Variants in NIPSNAP2 observed in about 807,000 individuals in gnomAD.
NIPSNAP2 encodes the protein nipsnap homolog 2.
In NIPSNAP2, 42 loss-of-function variants were observed where a neutral mutation model predicts 48.4. That is an observed-to-expected ratio of 0.87 (90% CI 0.68 to 1.12). The LOEUF (loss-of-function observed/expected upper bound fraction) is 1.12, where lower values mean the gene tolerates loss of function less well. NIPSNAP2 is among the 50% of genes most tolerant of loss of function. NIPSNAP2 has a pLI of 0.00. For missense variants in NIPSNAP2, 314 were observed against 347.3 expected, an observed-to-expected ratio of 0.90 and a Z score of 0.76; for synonymous variants, 158 against 126.6, an observed-to-expected ratio of 1.25 and a Z score of -1.67.
At chr7:55,978,483 A>G in intron 3 of NIPSNAP2, 88 bp downstream of exon 3, 1 of 1,127,732 alleles carries the variant, frequency 8.9e-7, no homozygotes, top group East Asian at 2.5e-5. Context: ...GCATAGAGAG[A>G]GATCTTTCAT....
chr7:55,999,917 A>AG lies in NIPSNAP2; in HGVS notation c.*849dup, dbSNP rs1018245579. ...GCAGATAATTCTGAGATCATGGGTGAGGGGTGGTGCATGTTGAGATTTAAA... is the reference window on the plus strand; with the variant it reads ...GCAGATAATTCTGAGATCATGGGTGAGGGGGTGGTGCATGTTGAGATTTAAA... On this transcript the variant is annotated 3_prime_UTR_variant, in exon 10 of 10. Coordinates refer to ENST00000322090, the MANE Select transcript of NIPSNAP2 (RefSeq NM_001483.3). 1 of 152,616 alleles carries AG rather than the reference A, an allele frequency of 6.6e-6. No individual in the cohort carries two copies. The allele number at this position is 152,616 out of a possible 1,614,324, so 9.5% of individuals were successfully genotyped here. A position where few individuals can be genotyped will look rare whatever the true frequency, so the allele number is the denominator to read the frequency against.
In NIPSNAP2 at chr7:55,964,697, C is replaced by T; in HGVS notation, c.88C>T (p.Leu30Phe). 3 of 1,122,126 alleles carry T rather than the reference C, an allele frequency of 2.7e-6. No homozygotes were observed. Among genetic ancestry groups the T allele is most frequent in the Non-Finnish European group, 2.2e-6 (2 of 917,544 alleles). The allele number at this position is 1,122,126 out of a possible 1,614,324, so 69.5% of individuals were successfully genotyped here. Residue 30 changes from leucine (L) to phenylalanine (F), a missense_variant, in exon 1 of 10, where the codon CTC becomes TTC. This residue lies in a region of NIPSNAP2 where 198 missense variants were observed against 185.5 expected (regional missense o/e 1.07). Coordinates refer to ENST00000322090, the MANE Select transcript of NIPSNAP2 (RefSeq NM_001483.3). Reference protein sequence around the residue: ...RAAPCSLLPRLRTWTSSSNRS... With the variant: ...RAAPCSLLPRFRTWTSSSNRS... ...GGCCCCCTGCAGCCTCCTGCCCAGGCTCCGGTGAGCAGCGCCGCCCTTCCC... is the reference window on the plus strand; with the variant it reads ...GGCCCCCTGCAGCCTCCTGCCCAGGTTCCGGTGAGCAGCGCCGCCCTTCCC...
At chr7:55,984,121 CCT>C (rs75732486) in intron 6 of NIPSNAP2, among the ~76,000 whole-genome samples, 28,060 of 151,814 alleles carry the variant, frequency 0.18, 3,069 homozygotes, top group East Asian at 0.34. Flanking sequence ...AGAAGAAAGA[CCT>C]AAAGTGCAGG....
chr7:55,983,787 C>G lies in NIPSNAP2; in HGVS notation c.504C>G (p.Leu168=), dbSNP rs141886054. ...SDMLLSRKNQ[L]LLEFSFWNEP... ...TGCTTCTCTCCAGGAAGAATCAGCT[C>G]CTGTTGGAGTTCAGTTTCTGGAATG... Residue 168 remains leucine (L), a synonymous_variant, in exon 6 of 10, where the codon CTC becomes CTG. Coordinates refer to ENST00000322090, the MANE Select transcript of NIPSNAP2 (RefSeq NM_001483.3). 1 of 1,614,010 alleles carries G rather than the reference C, an allele frequency of 6.2e-7. No individual in the cohort carries two copies. The highest frequency in any genetic ancestry group is 8.5e-7 in the Non-Finnish European group (1 of 1,179,940).
chr7:55,988,956 A>G (rs1787389221), intron 7 of NIPSNAP2, among the ~76,000 whole-genome samples: 1 of 152,214 alleles, frequency 6.6e-6, no homozygotes, highest in Non-Finnish European at 1.5e-5. Context: ...ACTTATATAT[A>G]TGTGTATAAG....
intron 1 of NIPSNAP2, among the ~76,000 whole-genome samples, chr7:55,972,729 C>T (rs1004679948): frequency 6.6e-6 from 1 of 152,062 alleles, no homozygotes; most frequent in Non-Finnish European, 1.5e-5. Context: ...GTGCCCAGCC[C>T]ATGATATTAT....
intron 7 of NIPSNAP2, among the ~76,000 whole-genome samples, chr7:55,987,683 G>C (rs1341351324): frequency 2.0e-5 from 3 of 152,188 alleles, no homozygotes; most frequent in African/African-American, 7.2e-5. Context: ...GAACATTGAG[G>C]AGGATGTAAT....
At chr7:55,969,946 G>A (rs1786984071) in intron 1 of NIPSNAP2, among the ~76,000 whole-genome samples, 1 of 146,058 alleles carries the variant, frequency 6.8e-6, no homozygotes, top group Admixed American at 7.0e-5. Context: ...TCCCACCACT[G>A]CACTCCAGCC....
At chr7:55,987,523 CA>C (rs1210891083) in intron 7 of NIPSNAP2, among the ~76,000 whole-genome samples, 1 of 152,072 alleles carries the variant, frequency 6.6e-6, no homozygotes, top group Non-Finnish European at 1.5e-5. Context: ...AGCTACTCAG[CA>C]GGCTGAGGCA....
At chr7:55,986,791 ATAAT>A (rs1428493891) in intron 7 of NIPSNAP2, among the ~76,000 whole-genome samples, 1 of 152,148 alleles carries the variant, frequency 6.6e-6, no homozygotes, top group African/African-American at 2.4e-5. Flanking sequence ...GAATAGATAA[ATAAT>A]TCTTACAACT....
rs1293038668 is a variant in NIPSNAP2 at position 55,997,421 on chromosome 7, T to C, written c.768T>C (p.His256=). 3.1e-6 allele frequency: 5 copies of C among 1,613,672 alleles called. No individual in the cohort carries two copies. Among genetic ancestry groups the C allele is most frequent in the Non-Finnish European group, 4.2e-6 (5 of 1,179,698 alleles). The change falls in exon 9 of 10, where the codon CAT becomes CAC. Residue 256 remains histidine (H), a synonymous_variant. Transcript: ENST00000322090. ...TACGGAATGCAGCATGGCACAAACA[T>C]GGCTGGGAGGAATTGGTATATTACA... ...EDIRNAAWHK[H]GWEELVYYTV... is the part of the protein sequence containing the mutation.
chr7:55,971,111 A>G (rs1333867571), intron 1 of NIPSNAP2, among the ~76,000 whole-genome samples: 1 of 152,150 alleles, frequency 6.6e-6, no homozygotes, highest in Non-Finnish European at 1.5e-5. Context: ...GCCCCCTACC[A>G]TCTTGGCGAT....
At chr7:55,985,377 T>C (rs1338410323) in intron 7 of NIPSNAP2, among the ~76,000 whole-genome samples, 1 of 152,118 alleles carries the variant, frequency 6.6e-6, no homozygotes, top group African/African-American at 2.4e-5. Flanking sequence ...AAAATAACAA[T>C]TTTTCCACAA....
chr7:55,998,583 C>T (rs1299803113), intron 9 of NIPSNAP2, among the ~76,000 whole-genome samples: 4 of 143,252 alleles, frequency 2.8e-5, no homozygotes, highest in African/African-American at 1.0e-4. Context: ...TCACTGCAAC[C>T]TCCGCCTCCC....
intron 1 of NIPSNAP2, among the ~76,000 whole-genome samples, chr7:55,971,191 G>A (rs1216517477): frequency 1.3e-5 from 2 of 152,118 alleles, no homozygotes; most frequent in Non-Finnish European, 2.9e-5. Context: ...GCATAGCTGC[G>A]ACTCGAATGA....
At chr7:55,983,175 C>T (rs143242043) in intron 5 of NIPSNAP2, among the ~76,000 whole-genome samples, 6 of 152,236 alleles carry the variant, frequency 3.9e-5, no homozygotes, top group African/African-American at 7.2e-5. Context: ...GTGTATCAAT[C>T]AGCATGGCAG....
intron 3 of NIPSNAP2, chr7:55,981,244 C>T (rs1271836904): frequency 2.8e-6 from 1 of 362,042 alleles, no homozygotes; most frequent in Admixed American, 4.3e-5. Flanking sequence ...TTGAACAACT[C>T]TTCTAGATAG....
chr7:55,978,162 C>T lies in NIPSNAP2; in HGVS notation c.129C>T (p.Asp43=). 3.1e-6 allele frequency: 5 copies of T among 1,614,178 alleles called. No individual in the cohort carries two copies. The South Asian group carries it at 5.5e-5, about 18-fold the overall frequency. Residue 43 remains aspartate, a synonymous_variant, in exon 2 of 10, where the codon GAC becomes GAT. Coordinates refer to ENST00000322090, the MANE Select transcript of NIPSNAP2 (RefSeq NM_001483.3). ...WTSSSNRSRE[D]SWLKSLFVRK... is the part of the protein sequence containing the mutation. ...CTTCCAGCAACAGATCTCGAGAAGA[C>T]AGCTGGCTAAAATCCTTATTTGTCC... is the stretch of plus-strand genomic sequence containing the variant.
At chr7:55,972,672 C>T (rs1013959493) in intron 1 of NIPSNAP2, among the ~76,000 whole-genome samples, 3 of 152,014 alleles carry the variant, frequency 2.0e-5, no homozygotes, top group East Asian at 3.9e-4. Flanking sequence ...GTGATCCACC[C>T]GCCTCCTTGG....
Sources: gnomAD v4.1 joint callset for allele counts (sites outside exome capture counted in the v4.1 genomes callset) on GRCh38, gnomAD v4.1.1 for gene constraint, gnomAD v4.1.1 regional missense constraint, MANE v1.5 for transcripts, NCBI Gene and HGNC (gene_info 2026-07-23, HGNC 2026-07-21) for gene names.